KIAA1549L: variants seen among roughly 807,000 people sequenced by gnomAD.
KIAA1549L encodes KIAA1549 like.
A neutral mutation model predicts 160.7 loss-of-function variants in KIAA1549L; 88 were observed. The observed-to-expected ratio is 0.55, with a 90% CI of 0.46 to 0.65. The LOEUF is 0.65. Among genes scored for constraint, KIAA1549L ranks in the 30% least tolerant of loss-of-function variants. The pLI is 0.00. For synonymous variants in KIAA1549L, 950 were observed against 976.7 expected (o/e 0.97, Z 0.51); for missense variants, 2,258 against 2,437.5 (o/e 0.93, Z 1.55).
chr11:33,506,493 A>G (rs1853092421), intron 1 of KIAA1549L, among the ~76,000 whole-genome samples: 1 of 152,174 alleles, frequency 6.6e-6, no homozygotes, highest in African/African-American at 2.4e-5. Context: ...TGGGAGGTTG[A>G]GGCAGGAGGA....
chr11:33,408,536 T>TA (rs1850719793), intron 1 of KIAA1549L, among the ~76,000 whole-genome samples: 1 of 149,626 alleles, frequency 6.7e-6, no homozygotes, highest in African/African-American at 2.5e-5. Flanking sequence ...TATACAGAAA[T>TA]TTTAGATCTT....
intron 1 of KIAA1549L, among the ~76,000 whole-genome samples, chr11:33,495,108 T>G (rs1852783819): frequency 6.6e-6 from 1 of 152,010 alleles, no homozygotes; most frequent in Non-Finnish European, 1.5e-5. Flanking sequence ...ATTATTTTAA[T>G]GTTTGTATTT....
In KIAA1549L at chr11:33,444,156, A is replaced by T. The variant is rs543510420; in HGVS notation, c.238+67267A>T. Among the ~76,000 whole-genome samples, 5 of 152,316 alleles carry T rather than the reference A, an allele frequency of 3.3e-5. No individual in the cohort carries two copies. The South Asian group carries it at 1.0e-3, about 32-fold the overall frequency. On this transcript the variant is annotated intron_variant, in intron 1 of 20. Transcript: ENST00000658780. ...GATCAGTTTTTCTTTCAAAGCTATG[A>T]TTTATTTCTTTATTAAACTGTCACA...
intron 5 of KIAA1549L, among the ~76,000 whole-genome samples, chr11:33,551,579 CA>C (rs59152356): frequency 0.012 from 1,739 of 146,388 alleles, 25 homozygotes; most frequent in African/African-American, 0.038. Flanking sequence ...GTTGAACATG[CA>C]AAAAAAAAAA....
chr11:33,392,778 C>T (rs1004439365), intron 1 of KIAA1549L, among the ~76,000 whole-genome samples: 5 of 152,176 alleles, frequency 3.3e-5, no homozygotes, highest in African/African-American at 7.2e-5. Flanking sequence ...ATCTATCCTG[C>T]GTGTCTTGAA....
intron 14 of KIAA1549L, among the ~76,000 whole-genome samples, chr11:33,607,167 T>G (rs959311025): frequency 2.0e-5 from 3 of 152,096 alleles, no homozygotes; most frequent in African/African-American, 7.2e-5. Context: ...CTGTCCATTG[T>G]GGGATGTTGC....
chr11:33,396,812 T>C, intron 1 of KIAA1549L, among the ~76,000 whole-genome samples: 1 of 151,968 alleles, frequency 6.6e-6, no homozygotes, highest in East Asian at 1.9e-4. Flanking sequence ...TAGCAAAGCA[T>C]GGTGGTGCAC....
At chr11:33,502,811 A>G (rs1016364200) in intron 1 of KIAA1549L, among the ~76,000 whole-genome samples, 1 of 152,210 alleles carries the variant, frequency 6.6e-6, no homozygotes, top group African/African-American at 2.4e-5. Flanking sequence ...ACATAATCTT[A>G]GAGCTTTTGC....
At chr11:33,386,659 G>T (rs1262899785) in intron 1 of KIAA1549L, among the ~76,000 whole-genome samples, 1 of 152,086 alleles carries the variant, frequency 6.6e-6, no homozygotes, top group Admixed American at 6.5e-5. Flanking sequence ...CTCCAGCCTG[G>T]GTGACAAGAG....
chr11:33,504,418 G>T (rs956947630), intron 1 of KIAA1549L, among the ~76,000 whole-genome samples: 1 of 151,638 alleles, frequency 6.6e-6, no homozygotes, highest in African/African-American at 2.4e-5. Flanking sequence ...AATCAAATAG[G>T]TATCATTGCA....
At chr11:33,404,089 C>T (rs1197549152) in intron 1 of KIAA1549L, among the ~76,000 whole-genome samples, 1 of 152,160 alleles carries the variant, frequency 6.6e-6, no homozygotes, top group Non-Finnish European at 1.5e-5. Flanking sequence ...ATGGCCTATA[C>T]TGTTTGTTGC....
chr11:33,606,684 C>T lies in KIAA1549L; in HGVS notation c.4923C>T (p.Asn1641=). Residue 1641 remains asparagine, a synonymous_variant, in exon 14 of 21, where the codon AAC becomes AAT. Transcript: ENST00000658780. The part of the protein sequence containing the change: ...DEEEGAVLFD[N]SSKVAAEPFD... ...AGGAGGGAGCGGTTCTATTTGACAA[C>T]TCCAGCAAGGTGGCCGCTGAACCCT... 1.2e-6 allele frequency: 2 copies of T among 1,613,990 alleles called. No homozygotes were observed. The highest frequency in any genetic ancestry group is 1.7e-6 in the Non-Finnish European group (2 of 1,179,880).
At position 33,420,497 on chromosome 11, in the gene KIAA1549L, G is replaced by A. The variant is rs1448375541; in HGVS notation, c.238+43608G>A. Among the ~76,000 whole-genome samples, 3 of 152,088 alleles carry A rather than the reference G, an allele frequency of 2.0e-5. 1 individual carries two copies. Among genetic ancestry groups the A allele is most frequent in the South Asian group, 4.2e-4 (2 of 4,816 alleles). ...CCACCTTGGCCTCCCAAAGTGTTAG[G>A]ATTACAGGCGTGAGCCACTGTGCCC... On this transcript the variant is annotated intron_variant, in intron 1 of 20. Coordinates refer to ENST00000658780, the MANE Select transcript of KIAA1549L (RefSeq NM_012194.3).
chr11:33,552,318 C>A, intron 6 of KIAA1549L, 77 bp downstream of exon 6: 1 of 1,481,046 alleles, frequency 6.8e-7, no homozygotes, highest in South Asian at 1.2e-5. Flanking sequence ...TGACTTGGGT[C>A]TTCCCTTTCA....
chr11:33,656,724 C>T (rs1388136393), intron 18 of KIAA1549L, among the ~76,000 whole-genome samples: 1 of 152,176 alleles, frequency 6.6e-6, no homozygotes, highest in African/African-American at 2.4e-5. Flanking sequence ...CTTCCTACTC[C>T]AGCTTCCCCC....
chr11:33,520,325 C>T (rs1470891351), intron 1 of KIAA1549L, among the ~76,000 whole-genome samples: 1 of 152,092 alleles, frequency 6.6e-6, no homozygotes, highest in Non-Finnish European at 1.5e-5. Flanking sequence ...CACTATTCTA[C>T]TCTCTGTTTC....
chr11:33,616,361 G>A (rs1368516739), intron 15 of KIAA1549L, among the ~76,000 whole-genome samples: 1 of 152,120 alleles, frequency 6.6e-6, no homozygotes, highest in Non-Finnish European at 1.5e-5. Context: ...CAAAAGCCCT[G>A]AGACTCAGTC....
rs575651056 is a variant in KIAA1549L at position 33,524,335 on chromosome 11, A to AT, written c.239-17458dup. ...AATGTCTTACACTTCTGTTCACTCT[A>AT]TTTTTTTTTCTTAAACAGGCCTATG... On this transcript the variant is annotated intron_variant, in intron 1 of 20. Coordinates refer to ENST00000658780, the MANE Select transcript of KIAA1549L (RefSeq NM_012194.3). Among the ~76,000 whole-genome samples the AT allele has an allele frequency of 4.4e-3, 649 of 148,440 alleles. 8 individuals carry two copies. Among genetic ancestry groups the AT allele is most frequent in the African/African-American group, 0.015 (611 of 40,516 alleles).
chr11:33,642,076 TGAG>T (rs1381187463), intron 16 of KIAA1549L, among the ~76,000 whole-genome samples: 1 of 152,108 alleles, frequency 6.6e-6, no homozygotes, highest in East Asian at 1.9e-4. Flanking sequence ...TTTCTCTTCA[TGAG>T]TAGATGTCAG....
Sources: allele counts gnomAD v4.1 joint callset (sites outside exome capture counted in the v4.1 genomes callset), GRCh38; gene constraint gnomAD v4.1.1; transcripts MANE v1.5; gene names NCBI Gene and HGNC (gene_info 2026-07-23, HGNC 2026-07-21).